The following NKAIN3 variants were observed in gnomAD, a reference collection of about 807,000 sequenced individuals.
NKAIN3 encodes sodium/potassium-transporting ATPase subunit beta-1-interacting protein 3.
In NKAIN3, 25 loss-of-function variants were observed where a neutral mutation model predicts 30.2. The observed-to-expected ratio is 0.83, with a 90% CI of 0.60 to 1.16. NKAIN3 has a LOEUF of 1.16. Among genes scored for constraint, NKAIN3 ranks in the 50% most tolerant of loss-of-function variants. The pLI, the probability that NKAIN3 is intolerant of heterozygous loss-of-function variation, is 0.00. For synonymous variants in NKAIN3, 91 were observed against 89.6 expected (o/e 1.02, Z -0.09); for missense variants, 225 against 254.1 (o/e 0.89, Z 0.78).
chr8:62,914,458 T>C (rs770891432), intron 4 of NKAIN3, among the ~76,000 whole-genome samples: 44 of 152,280 alleles, frequency 2.9e-4, no homozygotes, highest in Non-Finnish European at 2.4e-4. Flanking sequence ...TGTTTGCCTA[T>C]GTAACAAGCC....
intron 1 of NKAIN3, among the ~76,000 whole-genome samples, chr8:62,297,368 C>A (rs1185801868): frequency 6.6e-6 from 1 of 151,904 alleles, no homozygotes; most frequent in African/African-American, 2.4e-5. Context: ...AAGAAACTAC[C>A]ATCAGAGTGA....
chr8:62,380,479 T>C (rs1474698327), intron 1 of NKAIN3, among the ~76,000 whole-genome samples: 1 of 152,180 alleles, frequency 6.6e-6, no homozygotes, highest in Non-Finnish European at 1.5e-5. Context: ...AGCAGGTGCA[T>C]GCCCCACTTT....
intron 3 of NKAIN3, among the ~76,000 whole-genome samples, chr8:62,600,274 A>G (rs1563478077): frequency 6.6e-6 from 1 of 152,076 alleles, no homozygotes; most frequent in East Asian, 1.9e-4. Context: ...CATAACTTTG[A>G]CATAAAAATG....
chr8:62,659,381 A>G (rs764134164), intron 3 of NKAIN3, among the ~76,000 whole-genome samples: 2 of 152,172 alleles, frequency 1.3e-5, no homozygotes, highest in Non-Finnish European at 1.5e-5. Context: ...CAGGGTTATT[A>G]TATTTACCTC....
At chr8:62,461,762 C>T (rs1806007795) in intron 1 of NKAIN3, among the ~76,000 whole-genome samples, 1 of 152,056 alleles carries the variant, frequency 6.6e-6, no homozygotes, top group Non-Finnish European at 1.5e-5. Flanking sequence ...TGAGGTTATT[C>T]AGTGAGAGTA....
intron 1 of NKAIN3, among the ~76,000 whole-genome samples, chr8:62,518,484 C>T (rs1262386383): frequency 2.0e-5 from 3 of 152,058 alleles, no homozygotes; most frequent in African/African-American, 7.2e-5. Flanking sequence ...GTAATAGTGC[C>T]TCCTCCTTGG....
chr8:62,437,798 T>TG (rs1805213727), intron 1 of NKAIN3, among the ~76,000 whole-genome samples: 1 of 152,182 alleles, frequency 6.6e-6, no homozygotes, highest in Non-Finnish European at 1.5e-5. Context: ...TCAACACAGT[T>TG]AATTAGATTG....
rs371175209 is a variant in NKAIN3 at position 62,590,069 on chromosome 8, A to G, written c.273+275A>G. Among the ~76,000 whole-genome samples, 7 of 151,816 alleles carry G rather than the reference A, an allele frequency of 4.6e-5. 1 individual carries two copies. The highest frequency in any genetic ancestry group is 6.6e-5 in the Admixed American group (1 of 15,174). On this transcript the variant is annotated intron_variant, in intron 3 of 6. Transcript: ENST00000623646. ...GGGACTGAACTTACAGTGTATCCTC[A>G]TGTCCATTTTAAAAAGACATAATAC...
chr8:62,803,048 C>A (rs1586212991), intron 4 of NKAIN3, among the ~76,000 whole-genome samples: 1 of 152,098 alleles, frequency 6.6e-6, no homozygotes, highest in Non-Finnish European at 1.5e-5. Flanking sequence ...GGGATCAATT[C>A]AACAAGAAGA....
chr8:62,348,661 C>T lies in NKAIN3; in HGVS notation c.54+99534C>T, dbSNP rs142679052. ...GCAGTTCTCATCTGGAGTAATTTGGCTTACTCTGGGCTGTGAATTTTAAGA... is the reference window on the plus strand; with the variant it reads ...GCAGTTCTCATCTGGAGTAATTTGGTTTACTCTGGGCTGTGAATTTTAAGA... On this transcript the variant is annotated intron_variant, in intron 1 of 6. Transcript: ENST00000623646. Among the ~76,000 whole-genome samples, 81 of 152,258 alleles carry T rather than the reference C, an allele frequency of 5.3e-4. No homozygotes were observed. The East Asian group carries it at 0.013, about 24-fold the overall frequency.
chr8:62,684,625 T>C (rs6996526), intron 3 of NKAIN3, among the ~76,000 whole-genome samples: 40,199 of 152,082 alleles, frequency 0.26, 7,808 homozygotes, highest in African/African-American at 0.55. Context: ...AGATATAAAT[T>C]AGGGTTATGG....
intron 4 of NKAIN3, among the ~76,000 whole-genome samples, chr8:62,905,510 TC>T (rs1482896279): frequency 6.6e-6 from 1 of 152,196 alleles, no homozygotes; most frequent in Non-Finnish European, 1.5e-5. Flanking sequence ...TTCATATTTT[TC>T]TCCAGCGACT....
chr8:62,946,113 A>AT lies in NKAIN3; in HGVS notation c.533-7785dup, dbSNP rs368129263. Among the ~76,000 whole-genome samples the AT allele has an allele frequency of 2.4e-4, 37 of 152,196 alleles. No individual in the cohort carries two copies. In the Middle Eastern group the frequency reaches 0.01, roughly 42 times the overall value. On this transcript the variant is annotated intron_variant, in intron 5 of 6. Transcript: ENST00000623646. ...ACATGCCTTCTGAAAGGTGGAGGAG[A>AT]TTTTAAACTTCCTGAAGCATAAAGA...
intron 3 of NKAIN3, among the ~76,000 whole-genome samples, chr8:62,618,937 A>AAGAAT (rs1462629700): frequency 9.2e-5 from 14 of 151,930 alleles, no homozygotes; most frequent in Admixed American, 3.3e-4. Flanking sequence ...AAGAAAAGAA[A>AAGAAT]AGGGGAAATG....
intron 4 of NKAIN3, among the ~76,000 whole-genome samples, chr8:62,910,634 A>T (rs532937759): frequency 6.6e-6 from 1 of 152,296 alleles, no homozygotes; most frequent in East Asian, 1.9e-4. Flanking sequence ...ATAACAAAAT[A>T]ATATATGGTT....
chr8:62,923,311 G>C (rs1052634636), intron 5 of NKAIN3, among the ~76,000 whole-genome samples: 3 of 151,828 alleles, frequency 2.0e-5, no homozygotes, highest in African/African-American at 7.3e-5. Context: ...GCTGACAGAG[G>C]GAGACGCTGT....
intron 3 of NKAIN3, among the ~76,000 whole-genome samples, chr8:62,658,901 T>G (rs1267322432): frequency 6.6e-6 from 1 of 151,984 alleles, no homozygotes; most frequent in East Asian, 1.9e-4. Context: ...GGAGTGTATA[T>G]CTAGAATGCA....
At chr8:62,617,473 T>C (rs1811493551) in intron 3 of NKAIN3, among the ~76,000 whole-genome samples, 1 of 152,106 alleles carries the variant, frequency 6.6e-6, no homozygotes, top group Non-Finnish European at 1.5e-5. Context: ...ATGAGAAAGA[T>C]ACTGAATATA....
intron 4 of NKAIN3, among the ~76,000 whole-genome samples, chr8:62,751,080 C>A (rs1246868210): frequency 6.6e-6 from 1 of 152,130 alleles, no homozygotes; most frequent in Non-Finnish European, 1.5e-5. Context: ...AATCTGAATT[C>A]CCTACTGTGC....
Sources: allele counts gnomAD v4.1 joint callset (sites outside exome capture counted in the v4.1 genomes callset), GRCh38; gene constraint gnomAD v4.1.1; transcripts MANE v1.5; gene names NCBI Gene and HGNC (gene_info 2026-07-23, HGNC 2026-07-21).